The following RLIM variants were observed in gnomAD, a reference collection of about 807,000 sequenced individuals.
RLIM encodes ring finger protein, LIM domain interacting, also known as E3 ubiquitin-protein ligase RLIM.
Under a neutral mutation model 34.0 loss-of-function variants are expected in RLIM, and 2 were observed. The observed-to-expected ratio is 0.06, with a 90% CI of 0.02 to 0.19. RLIM has a LOEUF of 0.19. Ranked by LOEUF, RLIM falls within the 10% of genes least tolerant of loss-of-function variation. The pLI, the probability that RLIM is intolerant of heterozygous loss-of-function variation, is 1.00. For missense variants in RLIM, 286 were observed against 479.7 expected (o/e 0.60, Z 3.77); for synonymous variants, 169 against 164.0 (o/e 1.03, Z -0.23).
intron 1 of RLIM, among the ~76,000 whole-genome samples, chrX:74,610,092 G>T (rs1045452481): frequency 3.6e-5 from 4 of 112,444 alleles, no homozygotes; most frequent in Non-Finnish European, 3.8e-5. Flanking sequence ...TCACAGATAT[G>T]TAGGTGCTAC....
At chrX:74,599,970 C>G (rs1259718119) in intron 1 of RLIM, among the ~76,000 whole-genome samples, 1 of 110,971 alleles carries the variant, frequency 9.0e-6, no homozygotes, top group South Asian at 3.8e-4. Context: ...CCTGTCTTGT[C>G]AAACCTTGCC....
chrX:74,592,012 G>C lies in RLIM; in HGVS notation c.1303C>G (p.Arg435Gly). 8.3e-7 allele frequency: 1 copy of C among 1,211,290 alleles called. No homozygotes were observed. Among genetic ancestry groups the C allele is most frequent in the Non-Finnish European group, 1.1e-6 (1 of 895,320 alleles). The change falls in exon 4 of 4, where the codon CGA becomes GGA. Residue 435 changes from arginine to glycine, a missense_variant. Coordinates refer to ENST00000332687, the MANE Select transcript of RLIM (RefSeq NM_016120.4). ...CGTGACTCTGCCCTTTCCATATTTC[G>C]ATTTGAGACTGAGCCAGTAGGCTCT... ...DSEPTGSVSN[R>G]NMERAESRSG...
chrX:74,584,080 CTT>C lies in RLIM; in HGVS notation c.*7358_*7359del, dbSNP rs928478155. 9.1e-6 allele frequency among the ~76,000 whole-genome samples: 1 copy of C among 109,961 alleles called. No individual in the cohort carries two copies. The highest frequency in any genetic ancestry group is 3.8e-4 in the South Asian group (1 of 2,628). On this transcript the variant is annotated 3_prime_UTR_variant, in exon 4 of 4. Coordinates refer to ENST00000332687, the MANE Select transcript of RLIM (RefSeq NM_016120.4). ...AAAAATAAACAAAAACCAATTTGGC[CTT>C]TTTTTTTCTTGGCAAACCAGCCAAA...
rs1318141920 is a variant in RLIM, at chrX:74,614,548, C to T, written c.-150G>A. On this transcript the variant is annotated 5_prime_UTR_variant, in exon 1 of 4. Transcript: ENST00000332687. ...AGCTGGTTGAGACCCGCCTCTAGCCCAGCGCCTGCTCGGAGACGTTGCTCA... is the reference window on the plus strand; with the variant it reads ...AGCTGGTTGAGACCCGCCTCTAGCCTAGCGCCTGCTCGGAGACGTTGCTCA... 8.9e-6 allele frequency: 1 copy of T among 112,492 alleles called. No homozygotes were observed. The highest frequency in any genetic ancestry group is 1.9e-5 in the Non-Finnish European group (1 of 53,354). 9.3% of individuals were successfully genotyped at this position (112,492 alleles called of 1,213,427 possible). A position where few individuals can be genotyped will look rare whatever the true frequency, so the allele number is the denominator to read the frequency against.
Position 74,595,816 on chromosome X carries a change from G to A in RLIM, c.162C>T (p.Gly54=), listed in dbSNP as rs2079637560. ...YRLMRDNNLL[G]TPGESTEEEL... is the part of the protein sequence containing the mutation. ...AAATATATGTAAGCATACCTGGGGT[G>A]CCTAGCAAATTGTTATCTCTCATAA... Residue 54 remains glycine, a synonymous_variant, in exon 2 of 4, where the codon GGC becomes GGT. Transcript: ENST00000332687. 1.7e-6 allele frequency: 2 copies of A among 1,192,723 alleles called. No homozygotes were observed. The highest frequency in any genetic ancestry group is 6.0e-5 in the East Asian group (2 of 33,602).
chrX:74,604,113 C>A (rs868335891), intron 1 of RLIM, among the ~76,000 whole-genome samples: 205 of 77,353 alleles, frequency 2.7e-3, no homozygotes, highest in Middle Eastern at 8.9e-3. Context: ...GACTCTGTCT[C>A]AAAAAAAAAA....
rs1268392094 is a variant in RLIM at position 74,585,047 on chromosome X, G to A, written c.*6393C>T. ...AAACAAGGACATCTTAGTGGCTTAA[G>A]CAATATGTTTAAGAGATTAAGATAG... On this transcript the variant is annotated 3_prime_UTR_variant, in exon 4 of 4. Coordinates refer to ENST00000332687, the MANE Select transcript of RLIM (RefSeq NM_016120.4). 9.0e-6 allele frequency among the ~76,000 whole-genome samples: 1 copy of A among 111,696 alleles called. No homozygotes were observed. Among genetic ancestry groups the A allele is most frequent in the Non-Finnish European group, 1.9e-5 (1 of 53,246 alleles).
rs1454535172 is a variant in RLIM at position 74,586,093 on chromosome X, A to G, written c.*5347T>C. Reference sequence around the variant, plus strand: ...CTGGGAGAAGATAAAACAGGCACAGATACATCACCAGGCCAACTGCGTACC... The same window carrying G: ...CTGGGAGAAGATAAAACAGGCACAGGTACATCACCAGGCCAACTGCGTACC... On this transcript the variant is annotated 3_prime_UTR_variant, in exon 4 of 4. Coordinates refer to ENST00000332687, the MANE Select transcript of RLIM (RefSeq NM_016120.4). 1 of 111,999 alleles carries G rather than the reference A, an allele frequency of 8.9e-6. No individual in the cohort carries two copies. Among genetic ancestry groups the G allele is most frequent in the Admixed American group, 9.5e-5 (1 of 10,480 alleles). 9.2% of individuals were successfully genotyped at this position (111,999 alleles called of 1,213,427 possible).
At chrX:74,598,893 C>A (rs2079650434) in intron 1 of RLIM, among the ~76,000 whole-genome samples, 1 of 111,193 alleles carries the variant, frequency 9.0e-6, no homozygotes, top group African/African-American at 3.3e-5. Flanking sequence ...AAGATATTTT[C>A]AAAGATTAAA....
At position 74,592,235 on chromosome X, in the gene RLIM, T is replaced by G. The variant is rs2079619346; in HGVS notation, c.1080A>C (p.Arg360=). 8.3e-7 allele frequency: 1 copy of G among 1,210,064 alleles called. No homozygotes were observed. The highest frequency in any genetic ancestry group is 1.8e-5 in the African/African-American group (1 of 57,128). ...PNNTVTYESE[R]GGFRRTFSRS... Reference sequence around the variant, plus strand: ...GTGAAAATGTACGCCTAAAACCTCCTCGTTCACTTTCATAGGTGACAGTGT... The same window carrying G: ...GTGAAAATGTACGCCTAAAACCTCCGCGTTCACTTTCATAGGTGACAGTGT... The change falls in exon 4 of 4, where the codon CGA becomes CGC. Residue 360 remains arginine (R), a synonymous_variant. Coordinates refer to ENST00000332687, the MANE Select transcript of RLIM (RefSeq NM_016120.4).
chrX:74,591,450 C>T lies in RLIM; in HGVS notation c.1865G>A (p.Ser622Asn), dbSNP rs1228495788. ...GAGTTCAGATCTTAATTACACAACACTTTCTCTGTTACCAGAAGCTAAGAC... is the reference window on the plus strand; with the variant it reads ...GAGTTCAGATCTTAATTACACAACATTTTCTCTGTTACCAGAAGCTAAGAC... ...RAVLASGNRE[S>N]VV is the part of the protein sequence containing the mutation. Residue 622 changes from serine to asparagine, a missense_variant, in exon 4 of 4, where the codon AGT becomes AAT. Transcript: ENST00000332687. The T allele has an allele frequency of 9.1e-6, 11 of 1,205,147 alleles. No individual in the cohort carries two copies. The highest frequency in any genetic ancestry group is 3.5e-5 in the African/African-American group (2 of 57,183).
chrX:74,606,991 T>C (rs2079685024), intron 1 of RLIM, among the ~76,000 whole-genome samples: 1 of 110,129 alleles, frequency 9.1e-6, no homozygotes, highest in Admixed American at 9.8e-5. Flanking sequence ...AAAACTTAGC[T>C]GGGCATGGTA....
chrX:74,583,231 T>A lies in RLIM; in HGVS notation c.*8209A>T. The A allele has an allele frequency of 9.8e-7, 1 of 1,019,029 alleles. No homozygotes were observed. The highest frequency in any genetic ancestry group is 1.4e-6 in the Non-Finnish European group (1 of 719,072). 84.0% of individuals were successfully genotyped at this position (1,019,029 alleles called of 1,213,427 possible). ...TTGAGCATATGAAGAAGTTCTGAAT[T>A]ATCAATCTCCAACAACACGCCAGTG... On this transcript the variant is annotated 3_prime_UTR_variant, in exon 4 of 4. Coordinates refer to ENST00000332687, the MANE Select transcript of RLIM (RefSeq NM_016120.4).
Position 74,591,168 on chromosome X carries a change from A to G in RLIM, c.*272T>C. 1 of 299,568 alleles carries G rather than the reference A, an allele frequency of 3.3e-6. No homozygotes were observed. Among genetic ancestry groups the G allele is most frequent in the Non-Finnish European group, 5.8e-6 (1 of 171,418 alleles). 24.7% of individuals were successfully genotyped at this position (299,568 alleles called of 1,213,427 possible). ...TTAAGATAACAAAGGAAAAATTGACAAGTGTATATGATAAATTATCAGTAA... is the reference window on the plus strand; with the variant it reads ...TTAAGATAACAAAGGAAAAATTGACGAGTGTATATGATAAATTATCAGTAA... On this transcript the variant is annotated 3_prime_UTR_variant, in exon 4 of 4. Transcript: ENST00000332687.
In RLIM at chrX:74,584,060, TAAAC is replaced by T. The variant is rs982588016; in HGVS notation, c.*7376_*7379del. Among the ~76,000 whole-genome samples the T allele has an allele frequency of 3.6e-5, 4 of 111,067 alleles. No individual in the cohort carries two copies. Among genetic ancestry groups the T allele is most frequent in the Non-Finnish European group, 7.6e-5 (4 of 52,920 alleles). On this transcript the variant is annotated 3_prime_UTR_variant, in exon 4 of 4. Coordinates refer to ENST00000332687, the MANE Select transcript of RLIM (RefSeq NM_016120.4). ...AATCCATCTCAAACAAACAAAAAAA[TAAAC>T]AAAAACCAATTTGGCCTTTTTTTTT...
At chrX:74,600,850 T>TA (rs1242204233) in intron 1 of RLIM, among the ~76,000 whole-genome samples, 6,236 of 71,143 alleles carry the variant, frequency 0.088, 797 homozygotes, top group African/African-American at 0.29. Flanking sequence ...CATCTCTACT[T>TA]AAAAAAAAAA....
intron 1 of RLIM, among the ~76,000 whole-genome samples, chrX:74,609,838 AAC>A (rs1263213758): frequency 1.8e-5 from 2 of 111,922 alleles, no homozygotes; most frequent in Admixed American, 1.9e-4. Context: ...AGTTGTAGTT[AAC>A]ACTTTTCCTC....
At chrX:74,596,098 G>A in intron 1 of RLIM, 98 bp from the exon 2 acceptor site, 1 of 475,898 alleles carries the variant, frequency 2.1e-6, no homozygotes, top group Non-Finnish European at 3.3e-6. Flanking sequence ...GTCTAGAGAT[G>A]GATTTTCAGA....
intron 1 of RLIM, among the ~76,000 whole-genome samples, chrX:74,604,614 G>A (rs1242367840): frequency 1.8e-5 from 2 of 111,376 alleles, no homozygotes; most frequent in African/African-American, 3.3e-5. Context: ...CTATGCTCAT[G>A]AATCTTCAAG....
Sources: allele counts gnomAD v4.1 joint callset (sites outside exome capture counted in the v4.1 genomes callset), GRCh38; gene constraint gnomAD v4.1.1; transcripts MANE v1.5; gene names NCBI Gene and HGNC (gene_info 2026-07-23, HGNC 2026-07-21).